Variants in RNGTT observed in about 807,000 individuals in gnomAD.
The protein encoded by RNGTT is RNA guanylyltransferase and 5'-phosphatase.
RNGTT carries 33 observed loss-of-function variants against 79.3 expected under a neutral mutation model. The observed-to-expected ratio is 0.42, with a 90% CI of 0.32 to 0.56. The LOEUF (loss-of-function observed/expected upper bound fraction) is 0.56. Ranked by LOEUF, RNGTT falls within the 20% of genes least tolerant of loss-of-function variation. RNGTT has a pLI of 0.17. For synonymous variants in RNGTT, 222 were observed against 235.9 expected (o/e 0.94, Z 0.54); for missense variants, 497 against 739.1 (o/e 0.67, Z 3.80).
chr6:88,883,651 A>T (rs541530511), intron 8 of RNGTT, among the ~76,000 whole-genome samples: 4 of 152,332 alleles, frequency 2.6e-5, no homozygotes, highest in Admixed American at 6.5e-5. Context: ...CCTATAATTT[A>T]AAAAGTCTTC....
intron 6 of RNGTT, among the ~76,000 whole-genome samples, chr6:88,898,505 T>G (rs993808669): frequency 6.6e-6 from 1 of 152,060 alleles, no homozygotes; most frequent in Non-Finnish European, 1.5e-5. Context: ...AGCCTGCTAT[T>G]ATTTTATGGA....
At chr6:88,864,423 A>T (rs1207722588) in intron 8 of RNGTT, among the ~76,000 whole-genome samples, 1 of 152,142 alleles carries the variant, frequency 6.6e-6, no homozygotes, top group Non-Finnish European at 1.5e-5. Flanking sequence ...ATTACATGTT[A>T]ACATATAGCA....
intron 11 of RNGTT, among the ~76,000 whole-genome samples, chr6:88,805,641 C>A (rs1436990845): frequency 6.6e-6 from 1 of 152,118 alleles, no homozygotes; most frequent in African/African-American, 2.4e-5. Context: ...AGAGGGAAGA[C>A]CCACTGAGGA....
At chr6:88,788,463 AGG>A (rs1389282984) in intron 12 of RNGTT, among the ~76,000 whole-genome samples, 2 of 152,232 alleles carry the variant, frequency 1.3e-5, no homozygotes, top group African/African-American at 4.8e-5. Context: ...CCAGTAAAAA[AGG>A]GTGAAAATTA....
rs997213702 is a variant in RNGTT at position 88,806,946 on chromosome 6, T to C, written c.1270-5314A>G. On this transcript the variant is annotated intron_variant, in intron 11 of 15. Coordinates refer to ENST00000369485, the MANE Select transcript of RNGTT (RefSeq NM_003800.5). ...AACAAGATCGTATCCTTCAGGGACA[T>C]GGATGGAGCTGGAAGCCATTATCCT... Among the ~76,000 whole-genome samples the C allele has an allele frequency of 3.3e-5, 5 of 152,286 alleles. No homozygotes were observed. The South Asian group carries it at 6.2e-4, about 19-fold the overall frequency.
intron 14 of RNGTT, among the ~76,000 whole-genome samples, chr6:88,649,770 A>G (rs1287726656): frequency 6.6e-6 from 1 of 152,142 alleles, no homozygotes; most frequent in Non-Finnish European, 1.5e-5. Context: ...CCCAAAATAA[A>G]GACTATAGAG....
At chr6:88,716,871 G>C (rs1015445453) in intron 13 of RNGTT, among the ~76,000 whole-genome samples, 1 of 152,114 alleles carries the variant, frequency 6.6e-6, no homozygotes, top group African/African-American at 2.4e-5. Context: ...AATGTTAAAT[G>C]ACGAGTTACT....
At chr6:88,831,220 A>G (rs1451041916) in intron 11 of RNGTT, among the ~76,000 whole-genome samples, 1 of 152,198 alleles carries the variant, frequency 6.6e-6, no homozygotes, top group Non-Finnish European at 1.5e-5. Context: ...ATCCAGCAGC[A>G]CATCAAAAAA....
At chr6:88,786,616 T>C (rs1238389895) in intron 12 of RNGTT, among the ~76,000 whole-genome samples, 1 of 152,240 alleles carries the variant, frequency 6.6e-6, no homozygotes, top group Non-Finnish European at 1.5e-5. Flanking sequence ...TGATCATTTC[T>C]GTTTGAGGAA....
chr6:88,716,361 T>G (rs1379438705), intron 13 of RNGTT, among the ~76,000 whole-genome samples: 9 of 152,058 alleles, frequency 5.9e-5, no homozygotes, highest in Admixed American at 2.6e-4. Flanking sequence ...ACTTTTACAC[T>G]GTTGGTGGGA....
At chr6:88,643,708 CT>C (rs1220770631) in intron 14 of RNGTT, among the ~76,000 whole-genome samples, 1 of 152,206 alleles carries the variant, frequency 6.6e-6, no homozygotes, top group Non-Finnish European at 1.5e-5. Context: ...TCACTCAAAA[CT>C]GCTCAACTAC....
chr6:88,821,893 A>C (rs74607032), intron 11 of RNGTT, among the ~76,000 whole-genome samples: 8 of 151,860 alleles, frequency 5.3e-5, no homozygotes, highest in Non-Finnish European at 7.4e-5. Flanking sequence ...AAAAAAAAAA[A>C]CCAGCAAATT....
At chr6:88,794,532 AG>A (rs1779529074) in intron 12 of RNGTT, among the ~76,000 whole-genome samples, 2 of 152,200 alleles carry the variant, frequency 1.3e-5, no homozygotes, top group Admixed American at 1.3e-4. Flanking sequence ...TAGACAATGG[AG>A]GTTTAAAAAG....
intron 11 of RNGTT, among the ~76,000 whole-genome samples, chr6:88,816,486 G>GA (rs1181814806): frequency 3.3e-5 from 5 of 151,978 alleles, no homozygotes; most frequent in Non-Finnish European, 7.4e-5. Context: ...TCTTTAATGA[G>GA]AAAAAAGAAT....
At chr6:88,749,471 G>GA (rs527278709) in intron 13 of RNGTT, among the ~76,000 whole-genome samples, 6 of 147,286 alleles carry the variant, frequency 4.1e-5, no homozygotes, top group South Asian at 4.3e-4. Flanking sequence ...ATTGAGCAGG[G>GA]AAAAAAAAAT....
chr6:88,956,957 C>T (rs1204716590), intron 1 of RNGTT, among the ~76,000 whole-genome samples: 1 of 152,010 alleles, frequency 6.6e-6, no homozygotes, highest in East Asian at 1.9e-4. Context: ...CACTTGAACC[C>T]GGGAGGCAGA....
intron 2 of RNGTT, among the ~76,000 whole-genome samples, chr6:88,937,395 C>T (rs761629052): frequency 6.6e-6 from 1 of 151,842 alleles, no homozygotes; most frequent in Non-Finnish European, 1.5e-5. Context: ...GTGGTATCAA[C>T]TGTAATATTC....
intron 2 of RNGTT, among the ~76,000 whole-genome samples, chr6:88,935,009 C>T (rs1284992571): frequency 2.0e-5 from 3 of 152,170 alleles, no homozygotes; most frequent in African/African-American, 7.2e-5. Context: ...GAACCAATGT[C>T]CCACGGTGTT....
rs1434452470 is a variant in RNGTT, at chr6:88,612,679, C to T, written c.*40G>A. 1 of 1,550,054 alleles carries T rather than the reference C, an allele frequency of 6.5e-7. No homozygotes were observed. The highest frequency in any genetic ancestry group is 8.7e-7 in the Non-Finnish European group (1 of 1,144,448). On this transcript the variant is annotated 3_prime_UTR_variant, in exon 16 of 16. Transcript: ENST00000369485. The stretch of plus-strand genomic sequence containing the variant: ...AAAATGGGCAACAGCGTTTTTTCCT[C>T]ATTCCTCTTTCTTCTTAACCCTCAA...
Sources: gnomAD v4.1 joint callset for allele counts (sites outside exome capture counted in the v4.1 genomes callset) on GRCh38, gnomAD v4.1.1 for gene constraint, MANE v1.5 for transcripts, NCBI Gene and HGNC (gene_info 2026-07-23, HGNC 2026-07-21) for gene names.